MDGA2: variants seen among roughly 807,000 people sequenced by gnomAD.
MDGA2 encodes the protein MAM domain containing glycosylphosphatidylinositol anchor 2, also known as MAM domain-containing glycosylphosphatidylinositol anchor protein 2.
MDGA2 carries 40 observed loss-of-function variants against 117.8 expected under a neutral mutation model. The ratio of observed to expected loss-of-function variants is 0.34; its 90% CI spans 0.26 to 0.44. MDGA2 has a LOEUF of 0.44. MDGA2 is among the 20% of genes least tolerant of loss of function. The probability of loss-of-function intolerance (pLI) is 1.00; values close to 1 mark genes in which losing one functional copy is unlikely to be tolerated. For synonymous variants in MDGA2, 452 were observed against 439.0 expected (o/e 1.03, Z -0.37); for missense variants, 1,123 against 1,250.6 (o/e 0.90, Z 1.54).
At chr14:46,869,959 T>C (rs912124672) in intron 14 of MDGA2, among the ~76,000 whole-genome samples, 1 of 151,768 alleles carries the variant, frequency 6.6e-6, no homozygotes, top group East Asian at 1.9e-4. Context: ...TGGAAGTGTA[T>C]CCTCCCCAAA....
intron 1 of MDGA2, among the ~76,000 whole-genome samples, chr14:47,411,546 G>C (rs941993663): frequency 9.9e-5 from 15 of 152,032 alleles, no homozygotes. Flanking sequence ...ACGTCACTAG[G>C]ATCATAACGG....
intron 8 of MDGA2, among the ~76,000 whole-genome samples, chr14:47,006,438 TTAATTA>T (rs1301823734): frequency 1.9e-4 from 28 of 147,482 alleles, no homozygotes; most frequent in Middle Eastern, 3.6e-3. Flanking sequence ...TGTATATGTT[TTAATTA>T]TAATTATAAT....
At position 47,133,970 on chromosome 14, in the gene MDGA2, A is replaced by AT. The variant is rs1341296877; in HGVS notation, c.793-2125dup. On this transcript the variant is annotated intron_variant, in intron 4 of 16. Transcript: ENST00000399232. ...CACAATGATTTACACTTTAACCAATATTTTTTTCAGCTTTATTGAAGTATA... is the reference window on the plus strand; with the variant it reads ...CACAATGATTTACACTTTAACCAATATTTTTTTTCAGCTTTATTGAAGTATA... 6.6e-5 allele frequency among the ~76,000 whole-genome samples: 10 copies of AT among 151,954 alleles called. No individual in the cohort carries two copies. The South Asian group carries it at 1.4e-3, about 22-fold the overall frequency.
At chr14:47,012,651 T>A (rs1042849535) in intron 8 of MDGA2, among the ~76,000 whole-genome samples, 2 of 152,162 alleles carry the variant, frequency 1.3e-5, no homozygotes, top group Non-Finnish European at 2.9e-5. Context: ...ACAAATACTG[T>A]TTTCATTGTT....
chr14:47,416,800 A>C (rs1892485086), intron 1 of MDGA2, among the ~76,000 whole-genome samples: 1 of 152,260 alleles, frequency 6.6e-6, no homozygotes. Flanking sequence ...CTGGAGCAAA[A>C]TCTGAGGTGG....
At chr14:47,391,458 G>GAA (rs1891893318) in intron 1 of MDGA2, among the ~76,000 whole-genome samples, 1 of 152,162 alleles carries the variant, frequency 6.6e-6, no homozygotes, top group Non-Finnish European at 1.5e-5. Context: ...TTGAGGGAGT[G>GAA]AAAGTCAGAC....
intron 2 of MDGA2, among the ~76,000 whole-genome samples, chr14:47,300,462 G>A (rs1312608383): frequency 6.6e-6 from 1 of 150,796 alleles, no homozygotes; most frequent in Non-Finnish European, 1.5e-5. Context: ...TGTTTCTTTT[G>A]TTCCTACAAA....
chr14:47,655,025 T>G (rs570424684), intron 1 of MDGA2, among the ~76,000 whole-genome samples: 1 of 152,238 alleles, frequency 6.6e-6, no homozygotes, highest in African/African-American at 2.4e-5. Flanking sequence ...AGACAAAATG[T>G]AAGATATCAG....
At chr14:47,509,931 G>A (rs1347951588) in intron 1 of MDGA2, among the ~76,000 whole-genome samples, 1 of 152,166 alleles carries the variant, frequency 6.6e-6, no homozygotes, top group Non-Finnish European at 1.5e-5. Context: ...GTTGATGCTG[G>A]GAAGAGTTAA....
At chr14:47,177,252 A>C (rs1161049899) in intron 3 of MDGA2, among the ~76,000 whole-genome samples, 16 of 152,012 alleles carry the variant, frequency 1.1e-4, no homozygotes, top group African/African-American at 2.4e-4. Context: ...GCGATTCCTC[A>C]GGGATCTAGA....
At chr14:47,674,474 C>A (rs749173503) in intron 1 of MDGA2, 43 bp downstream of exon 1, 2 of 1,513,144 alleles carry the variant, frequency 1.3e-6, no homozygotes, top group Non-Finnish European at 1.8e-6. Context: ...GCCTATCTTG[C>A]CTAAGAATCA....
chr14:47,373,626 AG>A (rs1438868202), intron 1 of MDGA2, among the ~76,000 whole-genome samples: 1 of 152,092 alleles, frequency 6.6e-6, no homozygotes, highest in South Asian at 2.1e-4. Context: ...ACAGTAAGTC[AG>A]GGGTTGGCTA....
intron 1 of MDGA2, among the ~76,000 whole-genome samples, chr14:47,610,712 T>C (rs1896831743): frequency 6.6e-6 from 1 of 152,028 alleles, no homozygotes. Context: ...ACACATCCCA[T>C]GCTCATGGAT....
chr14:47,473,294 C>T lies in MDGA2; in HGVS notation c.281-171744G>A, dbSNP rs115551411. 4.8e-3 allele frequency among the ~76,000 whole-genome samples: 730 copies of T among 152,234 alleles called. 6 individuals are homozygous for T. Among genetic ancestry groups the T allele is most frequent in the African/African-American group, 0.017 (695 of 41,550 alleles). ...GAGCTAGGGGTCTCCCTCCAAGTCACAGAGTATGACAGGTTCCAAAAATAT... is the reference window on the plus strand; with the variant it reads ...GAGCTAGGGGTCTCCCTCCAAGTCATAGAGTATGACAGGTTCCAAAAATAT... On this transcript the variant is annotated intron_variant, in intron 1 of 16. Coordinates refer to ENST00000399232, the MANE Select transcript of MDGA2 (RefSeq NM_001113498.3).
At chr14:47,612,660 C>A (rs1381016565) in intron 1 of MDGA2, among the ~76,000 whole-genome samples, 7 of 152,102 alleles carry the variant, frequency 4.6e-5, no homozygotes, top group East Asian at 1.9e-4. Flanking sequence ...CTTCTCCAAG[C>A]AATTTGCCGC....
chr14:46,903,022 C>T (rs901462154), intron 10 of MDGA2, among the ~76,000 whole-genome samples: 1 of 152,208 alleles, frequency 6.6e-6, no homozygotes, highest in South Asian at 2.1e-4. Context: ...GAAGTTTGAG[C>T]CATTTGCAGC....
chr14:46,893,484 G>A (rs769104962), intron 10 of MDGA2, among the ~76,000 whole-genome samples: 1 of 151,910 alleles, frequency 6.6e-6, no homozygotes, highest in Non-Finnish European at 1.5e-5. Flanking sequence ...AATTTGCTAA[G>A]AGAGTCAATT....
intron 1 of MDGA2, among the ~76,000 whole-genome samples, chr14:47,529,031 C>T (rs1047241952): frequency 9.4e-5 from 14 of 149,726 alleles, no homozygotes; most frequent in African/African-American, 3.0e-4. Flanking sequence ...GATGGAGTCT[C>T]CCTGTCTCCC....
intron 1 of MDGA2, among the ~76,000 whole-genome samples, chr14:47,654,730 G>T (rs971369566): frequency 6.6e-6 from 1 of 151,830 alleles, no homozygotes; most frequent in African/African-American, 2.4e-5. Context: ...TCATCACCAG[G>T]GTTAAGTTAC....
Sources: gnomAD v4.1 joint callset for allele counts (sites outside exome capture counted in the v4.1 genomes callset) on GRCh38, gnomAD v4.1.1 for gene constraint, MANE v1.5 for transcripts, NCBI Gene and HGNC (gene_info 2026-07-23, HGNC 2026-07-21) for gene names.